MGMT: variants seen among roughly 807,000 people sequenced by gnomAD.
MGMT encodes the protein O-6-methylguanine-DNA methyltransferase.
A neutral mutation model predicts 15.9 loss-of-function variants in MGMT; 14 were observed. The ratio of observed to expected loss-of-function variants is 0.88; its 90% CI spans 0.58 to 1.37. MGMT has a LOEUF of 1.37. Among genes scored for constraint, MGMT ranks in the 40% most tolerant of loss-of-function variants. MGMT has a pLI of 0.00. For missense variants in MGMT, 282 were observed against 268.1 expected, an observed-to-expected ratio of 1.05 and a Z score of -0.36; for synonymous variants, 130 against 118.2, an observed-to-expected ratio of 1.10 and a Z score of -0.65.
At chr10:129,495,531 T>C (rs893334475) in intron 1 of MGMT, among the ~76,000 whole-genome samples, 4 of 152,222 alleles carry the variant, frequency 2.6e-5, no homozygotes, top group African/African-American at 9.6e-5. Context: ...TCACTGATGA[T>C]CGATGGACTG....
At chr10:129,613,116 A>AG (rs1846981418) in intron 2 of MGMT, among the ~76,000 whole-genome samples, 1 of 152,216 alleles carries the variant, frequency 6.6e-6, no homozygotes. Flanking sequence ...TTGGAATATC[A>AG]GGTCCAGGGT....
intron 3 of MGMT, among the ~76,000 whole-genome samples, chr10:129,739,201 T>C (rs1848601958): frequency 6.6e-6 from 1 of 152,200 alleles, no homozygotes; most frequent in African/African-American, 2.4e-5. Context: ...AATATCATAC[T>C]GAATGGGCAA....
chr10:129,692,183 C>G (rs1239492501), intron 2 of MGMT, among the ~76,000 whole-genome samples: 1 of 152,134 alleles, frequency 6.6e-6, no homozygotes, highest in African/African-American at 2.4e-5. Flanking sequence ...GATACAGACT[C>G]AGAGTTGAAT....
At chr10:129,736,807 C>T (rs1018403972) in intron 3 of MGMT, among the ~76,000 whole-genome samples, 10 of 151,858 alleles carry the variant, frequency 6.6e-5, no homozygotes, top group Admixed American at 3.9e-4. Flanking sequence ...TTTATTTCTC[C>T]TTCACTTAAG....
Position 129,767,226 on chromosome 10 carries a change from A to C in MGMT, c.*229A>C. The C allele has an allele frequency of 2.3e-6, 1 of 441,412 alleles. No homozygotes were observed. The highest frequency in any genetic ancestry group is 4.1e-6 in the Non-Finnish European group (1 of 246,822). The allele number at this position is 441,412 out of a possible 1,614,324, so 27.3% of individuals were successfully genotyped here. ...CTTGCTCTATTTTTCATGTCCATTA[A>C]AACAGGCCAAGTGAGTGTGGAAGGC... On this transcript the variant is annotated 3_prime_UTR_variant, in exon 5 of 5. Transcript: ENST00000651593.
At chr10:129,765,819 G>T (rs893206204) in intron 4 of MGMT, among the ~76,000 whole-genome samples, 8 of 152,180 alleles carry the variant, frequency 5.3e-5, no homozygotes, top group Non-Finnish European at 1.0e-4. Flanking sequence ...CCTTGTGGGT[G>T]TGAGAGTGGA....
At chr10:129,697,028 A>T (rs187394955) in intron 2 of MGMT, among the ~76,000 whole-genome samples, 11 of 152,286 alleles carry the variant, frequency 7.2e-5, no homozygotes, top group Admixed American at 2.0e-4. Flanking sequence ...TTTAAATGTA[A>T]ATCTGACCTT....
chr10:129,514,042 C>T (rs566334235), intron 1 of MGMT, among the ~76,000 whole-genome samples: 2 of 152,254 alleles, frequency 1.3e-5, no homozygotes, highest in South Asian at 4.2e-4. Flanking sequence ...TTCAGGCTAC[C>T]TTTGAAATGA....
intron 2 of MGMT, among the ~76,000 whole-genome samples, chr10:129,548,968 C>G (rs777712628): frequency 3.9e-5 from 6 of 152,292 alleles, no homozygotes; most frequent in Non-Finnish European, 7.4e-5. Context: ...TAGAAGTTAC[C>G]CTGTGGTGGC....
intron 3 of MGMT, among the ~76,000 whole-genome samples, chr10:129,747,893 C>T (rs967124511): frequency 5.9e-5 from 9 of 152,128 alleles, no homozygotes; most frequent in Non-Finnish European, 1.2e-4. Context: ...ATGCTTTTCT[C>T]ATGATTTGAC....
At chr10:129,621,025 A>T (rs1345698082) in intron 2 of MGMT, among the ~76,000 whole-genome samples, 1 of 152,130 alleles carries the variant, frequency 6.6e-6, no homozygotes, top group Non-Finnish European at 1.5e-5. Context: ...CTGTATCCAC[A>T]CTGTCCAGTA....
intron 2 of MGMT, among the ~76,000 whole-genome samples, chr10:129,591,349 A>G (rs1346884013): frequency 6.6e-6 from 1 of 152,098 alleles, no homozygotes; most frequent in Non-Finnish European, 1.5e-5. Context: ...GCTGTGGTCC[A>G]CTCGTGCGGG....
chr10:129,598,043 C>A lies in MGMT; in HGVS notation c.125+61666C>A, dbSNP rs376681169. Among the ~76,000 whole-genome samples the A allele has an allele frequency of 5.9e-5, 9 of 152,066 alleles. No individual in the cohort carries two copies. In the East Asian group the frequency reaches 1.5e-3, roughly 26 times the overall value. The stretch of plus-strand genomic sequence containing the variant: ...TGGGCCTGCTCTGCAGTCAGGTCCA[C>A]CATGTGGAAGTGCTCTGAGACTCGG... On this transcript the variant is annotated intron_variant, in intron 2 of 4. Transcript: ENST00000651593.
chr10:129,714,110 CG>C (rs956204390), intron 3 of MGMT, among the ~76,000 whole-genome samples: 22 of 152,232 alleles, frequency 1.4e-4, no homozygotes, highest in Non-Finnish European at 2.9e-4. Context: ...AGGGCATGCC[CG>C]CAGAGCCCCT....
intron 2 of MGMT, among the ~76,000 whole-genome samples, chr10:129,666,092 G>A (rs1005793383): frequency 1.3e-5 from 2 of 152,136 alleles, no homozygotes; most frequent in East Asian, 3.9e-4. Flanking sequence ...GGGAGGGAGG[G>A]GGAGAGAAAG....
chr10:129,725,390 G>A (rs770838829), intron 3 of MGMT, among the ~76,000 whole-genome samples: 3 of 152,246 alleles, frequency 2.0e-5, no homozygotes, highest in South Asian at 2.1e-4. Context: ...GTCAGTAGCC[G>A]TGGATCAAAT....
At chr10:129,628,183 G>A (rs760716700) in intron 2 of MGMT, among the ~76,000 whole-genome samples, 5 of 152,104 alleles carry the variant, frequency 3.3e-5, no homozygotes, top group African/African-American at 7.2e-5. Flanking sequence ...TAGAAATACC[G>A]CCTTCCTTTT....
chr10:129,550,291 G>A (rs1846141585), intron 2 of MGMT, among the ~76,000 whole-genome samples: 1 of 150,982 alleles, frequency 6.6e-6, no homozygotes, highest in Non-Finnish European at 1.5e-5. Flanking sequence ...ACCCAGCACC[G>A]GCATGTTTCA....
chr10:129,531,361 C>A (rs997562304), intron 1 of MGMT, among the ~76,000 whole-genome samples: 1 of 152,164 alleles, frequency 6.6e-6, no homozygotes, highest in Non-Finnish European at 1.5e-5. Context: ...GAGCCTCCGC[C>A]TGGCTGGGTT....
Sources: allele counts gnomAD v4.1 joint callset (sites outside exome capture counted in the v4.1 genomes callset), GRCh38; gene constraint gnomAD v4.1.1; transcripts MANE v1.5; gene names NCBI Gene and HGNC (gene_info 2026-07-23, HGNC 2026-07-21).